SLC14A1: variants seen among roughly 807,000 people sequenced by gnomAD.
The protein encoded by SLC14A1 is urea transporter 1.
A neutral mutation model predicts 39.6 loss-of-function variants in SLC14A1; 36 were observed. That is an observed-to-expected ratio of 0.91 (90% CI 0.70 to 1.20). The LOEUF (loss-of-function observed/expected upper bound fraction) is 1.20. Among genes scored for constraint, SLC14A1 ranks in the 50% most tolerant of loss-of-function variants. The pLI, the probability that SLC14A1 is intolerant of heterozygous loss-of-function variation, is 0.00. For missense variants in SLC14A1, 469 were observed against 478.7 expected, an observed-to-expected ratio of 0.98 and a Z score of 0.19; for synonymous variants, 164 against 173.6, an observed-to-expected ratio of 0.94 and a Z score of 0.43.
At chr18:45,739,491 C>T (rs565431913) in intron 7 of SLC14A1, 37 bp from the exon 8 acceptor site, 1 of 1,613,858 alleles carries the variant, frequency 6.2e-7, no homozygotes, top group South Asian at 1.1e-5. Context: ...AACATCCTGC[C>T]TTTAGTCCTG....
chr18:45,738,656 T>G (rs760626490), intron 6 of SLC14A1, among the ~76,000 whole-genome samples: 2 of 152,248 alleles, frequency 1.3e-5, no homozygotes, highest in African/African-American at 4.8e-5. Context: ...CAAGATAACC[T>G]GGCTTTGGGT....
At chr18:45,734,450 G>A in intron 5 of SLC14A1, 48 bp downstream of exon 5, 1 of 1,593,646 alleles carries the variant, frequency 6.3e-7, no homozygotes, top group South Asian at 1.1e-5. Context: ...AAAAAAACAT[G>A]GCAGAAGGAG....
chr18:45,739,600 T>C lies in SLC14A1; in HGVS notation c.884T>C (p.Ile295Thr). The C allele has an allele frequency of 1.2e-6, 2 of 1,614,150 alleles. No individual in the cohort carries two copies. Among genetic ancestry groups the C allele is most frequent in the Non-Finnish European group, 1.7e-6 (2 of 1,180,022 alleles). The stretch of plus-strand genomic sequence containing the variant: ...GGTTTCAACAGCTCTCTGGCCTGCA[T>C]TGCAATGGGAGGAATGTTCATGGCG... ...LWGFNSSLAC[I>T]AMGGMFMALT... Residue 295 changes from isoleucine (I) to threonine (T), a missense_variant, in exon 8 of 10, where the codon ATT (isoleucine) becomes ACT (threonine). Physicochemically the swap from Ile to Thr is moderately conservative, Grantham distance 89 (BLOSUM62 -1). Transcript: ENST00000321925.
At chr18:45,744,180 T>C (rs1049644181) in intron 8 of SLC14A1, among the ~76,000 whole-genome samples, 6 of 152,148 alleles carry the variant, frequency 3.9e-5, no homozygotes, top group Non-Finnish European at 7.3e-5. Flanking sequence ...GCCCAGCTAA[T>C]TTTTTGTACT....
Position 45,750,770 on chromosome 18 carries a change from T to G in SLC14A1, c.*819T>G. 1 of 985,134 alleles carries G rather than the reference T, an allele frequency of 1.0e-6. No individual in the cohort carries two copies. 61.0% of individuals were successfully genotyped at this position (985,134 alleles called of 1,614,324 possible). A position where few individuals can be genotyped will look rare whatever the true frequency, so the allele number is the denominator to read the frequency against. On this transcript the variant is annotated 3_prime_UTR_variant, in exon 10 of 10. Coordinates refer to ENST00000321925, the MANE Select transcript of SLC14A1 (RefSeq NM_015865.7). ...TATTAAAGAAAAGTTACTTACTGTA[T>G]TTATGAAATACTCAGCTTAGGCATT...
In SLC14A1 at chr18:45,748,359, C is replaced by T. The variant is rs1414197470; in HGVS notation, c.947-17C>T. ...ATCTACGAAGCATTGTTCTTTCCCT[C>T]CTTTTTTTTTCTGTAGCCCTGTTCA... On this transcript the variant is annotated splice_polypyrimidine_tract_variant and intron_variant, in intron 8 of 9. Transcript: ENST00000321925. 2.0e-5 allele frequency: 33 copies of T among 1,613,776 alleles called. No homozygotes were observed. The highest frequency in any genetic ancestry group is 2.8e-5 in the Non-Finnish European group (33 of 1,179,806).
rs1555647156 is a variant in SLC14A1 at position 45,734,436 on chromosome 18, G to GGA, written c.470+34_470+35insGA. 2.9e-6 allele frequency: 4 copies of GGA among 1,370,814 alleles called. No individual in the cohort carries two copies. The South Asian group carries it at 3.6e-5, about 12-fold the overall frequency. The allele number at this position is 1,370,814 out of a possible 1,614,324, so 84.9% of individuals were successfully genotyped here. A position where few individuals can be genotyped will look rare whatever the true frequency, so the allele number is the denominator to read the frequency against. ...CAATTGGTTTTCAAAATGCCTTTTT[G>GGA]AAAAAAAAAACATGGCAGAAGGAGG... On this transcript the variant is annotated intron_variant, in intron 5 of 9. Transcript: ENST00000321925.
intron 7 of SLC14A1, 70 bp downstream of exon 7, chr18:45,739,380 G>A (rs2047290396): frequency 1.9e-6 from 3 of 1,611,458 alleles, no homozygotes; most frequent in South Asian, 1.1e-5. Context: ...GGCATCTTCT[G>A]TGCTCCAGAT....
At chr18:45,732,419 G>T (rs1221312822) in intron 4 of SLC14A1, among the ~76,000 whole-genome samples, 1 of 152,212 alleles carries the variant, frequency 6.6e-6, no homozygotes, top group Non-Finnish European at 1.5e-5. Context: ...CTACTGTCAT[G>T]TGTAGTCCCA....
intron 2 of SLC14A1, 114 bp from the exon 3 acceptor site, chr18:45,730,182 GCTCT>G (rs760011138): frequency 3.7e-6 from 4 of 1,071,912 alleles, no homozygotes; most frequent in Non-Finnish European, 5.2e-6. Context: ...GGAAAATGGT[GCTCT>G]CTTAGTTCTA....
Position 45,751,054 on chromosome 18 carries a change from A to G in SLC14A1, c.*1103A>G, listed in dbSNP as rs1004525116. On this transcript the variant is annotated 3_prime_UTR_variant, in exon 10 of 10. Transcript: ENST00000321925. Reference sequence around the variant, plus strand: ...GGCATTTGAACCACCAAAAAGAAATAAAGGGCTGAGTGCGGTGGCTCACGC... The same window carrying G: ...GGCATTTGAACCACCAAAAAGAAATGAAGGGCTGAGTGCGGTGGCTCACGC... 4.1e-6 allele frequency: 4 copies of G among 984,020 alleles called. No individual in the cohort carries two copies. Among genetic ancestry groups the G allele is most frequent in the Non-Finnish European group, 2.4e-6 (2 of 828,770 alleles). 61.0% of individuals were successfully genotyped at this position (984,020 alleles called of 1,614,324 possible). A position where few individuals can be genotyped will look rare whatever the true frequency, so the allele number is the denominator to read the frequency against.
chr18:45,732,228 C>T (rs2047050903), intron 4 of SLC14A1, among the ~76,000 whole-genome samples: 1 of 152,190 alleles, frequency 6.6e-6, no homozygotes, highest in South Asian at 2.1e-4. Flanking sequence ...GTTTTACTTT[C>T]CTTGGTCTGA....
At chr18:45,744,214 AT>A (rs1475266046) in intron 8 of SLC14A1, among the ~76,000 whole-genome samples, 1 of 152,128 alleles carries the variant, frequency 6.6e-6, no homozygotes, top group Non-Finnish European at 1.5e-5. Flanking sequence ...GGGTTTTGCC[AT>A]GTTGGCCAGG....
At chr18:45,741,447 A>G (rs8086499) in intron 8 of SLC14A1, among the ~76,000 whole-genome samples, 65,065 of 151,794 alleles carry the variant, frequency 0.43, 14,416 homozygotes, top group East Asian at 0.52. Flanking sequence ...GTATCTAAAC[A>G]GTTATGAAAA....
rs756548295 is a variant in SLC14A1 at position 45,749,842 on chromosome 18, C to CA, written c.1067dup (p.Asn356LysfsTer11). The CA allele has an allele frequency of 2.5e-6, 4 of 1,613,994 alleles. No homozygotes were observed. The African/African-American group carries it at 5.3e-5, about 22-fold the overall frequency. ...ACGCTATTGTTCCTCATCATGACCA[C>CA]AAAAAATTCCAACATCTACAAGATG... On this transcript the variant is annotated frameshift_variant, in exon 10 of 10. Coordinates refer to ENST00000321925, the MANE Select transcript of SLC14A1 (RefSeq NM_015865.7). LOFTEE classifies it high-confidence loss of function.
intron 8 of SLC14A1, among the ~76,000 whole-genome samples, chr18:45,746,187 G>T (rs1735976790): frequency 6.6e-6 from 1 of 152,180 alleles, no homozygotes; most frequent in Admixed American, 6.5e-5. Flanking sequence ...CTCACCTGTG[G>T]CAGTCCATTG....
At chr18:45,748,245 G>T (rs892835158) in intron 8 of SLC14A1, 131 bp from the exon 9 acceptor site, 5 of 958,326 alleles carry the variant, frequency 5.2e-6, no homozygotes, top group African/African-American at 1.6e-5. Flanking sequence ...ACCCAGGACT[G>T]CTGACTTTAG....
intron 4 of SLC14A1, among the ~76,000 whole-genome samples, chr18:45,732,729 C>A (rs796466433): frequency 2.0e-5 from 3 of 152,302 alleles, no homozygotes; most frequent in African/African-American, 7.2e-5. Context: ...ACTCCCCCAT[C>A]CCCCTACAGA....
In SLC14A1 at chr18:45,750,415, A is replaced by T. The variant is rs904550793; in HGVS notation, c.*464A>T. The T allele has an allele frequency of 2.5e-5, 27 of 1,082,428 alleles. No individual in the cohort carries two copies. The highest frequency in any genetic ancestry group is 2.9e-5 in the Non-Finnish European group (26 of 889,622). 67.1% of individuals were successfully genotyped at this position (1,082,428 alleles called of 1,614,324 possible). ...TGATAAGCAGCTTGGCTTTTTTTTT[A>T]AATCAATGCAAGTTACACATTATAG... On this transcript the variant is annotated 3_prime_UTR_variant, in exon 10 of 10. Coordinates refer to ENST00000321925, the MANE Select transcript of SLC14A1 (RefSeq NM_015865.7).
Sources: allele counts gnomAD v4.1 joint callset (sites outside exome capture counted in the v4.1 genomes callset), GRCh38; gene constraint gnomAD v4.1.1; transcripts MANE v1.5; gene names NCBI Gene and HGNC (gene_info 2026-07-23, HGNC 2026-07-21).